The following PRKD3 variants were observed in gnomAD, a reference collection of about 807,000 sequenced individuals.
PRKD3 encodes the protein serine/threonine-protein kinase D3.
A neutral mutation model predicts 99.2 loss-of-function variants in PRKD3; 47 were observed. The observed-to-expected ratio is 0.47, with a 90% CI of 0.38 to 0.60. PRKD3 has a LOEUF of 0.60. Among genes scored for constraint, PRKD3 ranks in the 20% least tolerant of loss-of-function variants. The probability of loss-of-function intolerance (pLI) is 0.00; values close to 1 mark genes in which losing one functional copy is unlikely to be tolerated. For missense variants in PRKD3, 1,019 were observed against 1,088.4 expected, an observed-to-expected ratio of 0.94 and a Z score of 0.90; for synonymous variants, 392 against 355.4, an observed-to-expected ratio of 1.10 and a Z score of -1.16.
chr2:37,261,616 A>T (rs188826641), intron 14 of PRKD3, among the ~76,000 whole-genome samples: 3,368 of 151,020 alleles, frequency 0.022, 60 homozygotes, highest in Middle Eastern at 0.035. Flanking sequence ...CCTAGTCTCT[A>T]CTAAAAATAC....
At chr2:37,272,290 G>T in intron 12 of PRKD3, 90 bp downstream of exon 12, 1 of 1,542,848 alleles carries the variant, frequency 6.5e-7, no homozygotes, top group Non-Finnish European at 8.7e-7. Flanking sequence ...TACTTTGGGC[G>T]ATGAACCAAT....
chr2:37,306,643 T>C (rs1347994692), intron 2 of PRKD3, among the ~76,000 whole-genome samples: 1 of 151,876 alleles, frequency 6.6e-6, no homozygotes, highest in African/African-American at 2.4e-5. Flanking sequence ...ACCCCATCTG[T>C]ACAAAAAATA....
rs538839741 is a variant in PRKD3, at chr2:37,255,292, T to C, written c.2414-1003A>G. ...ATGGAATATTAGTTAATCCTATGAT[T>C]AGGCCTAGTACTTTTGGAAAAACAA... On this transcript the variant is annotated intron_variant, in intron 17 of 18. Transcript: ENST00000234179. Among the ~76,000 whole-genome samples, 8 of 138,250 alleles carry C rather than the reference T, an allele frequency of 5.8e-5. No homozygotes were observed. In the South Asian group the frequency reaches 1.4e-3, roughly 24 times the overall value. 90.7% of individuals were successfully genotyped at this position (138,250 alleles called of 152,430 possible). A position where few individuals can be genotyped will look rare whatever the true frequency, so the allele number is the denominator to read the frequency against.
intron 17 of PRKD3, among the ~76,000 whole-genome samples, chr2:37,255,085 T>C (rs1667826196): frequency 6.6e-6 from 1 of 152,202 alleles, no homozygotes. Context: ...GTCTCTATAC[T>C]ACCAAACTAG....
At position 37,256,848 on chromosome 2, in the gene PRKD3, A is replaced by G. The variant is rs746175345; in HGVS notation, c.2227T>C (p.Leu743=). ...RRSVVGTPAY[L]APEVLRSKGY... Reference sequence around the variant, plus strand: ...TTGCTCCGGAGAACTTCAGGGGCTAAGTATGCTGGAGTTCCTACCACAGAT... The same window carrying G: ...TTGCTCCGGAGAACTTCAGGGGCTAGGTATGCTGGAGTTCCTACCACAGAT... Residue 743 remains leucine, a synonymous_variant, in exon 17 of 19, where the codon TTA becomes CTA. Transcript: ENST00000234179. 2.5e-6 allele frequency: 4 copies of G among 1,614,046 alleles called. No individual in the cohort carries two copies. The South Asian group carries it at 4.4e-5, about 18-fold the overall frequency.
Position 37,320,423 on chromosome 2 carries a change from CTTTTTTTT to C in PRKD3, c.-655-3252_-655-3245del, listed in dbSNP as rs35158902. Among the ~76,000 whole-genome samples the C allele has an allele frequency of 4.6e-3, 363 of 78,166 alleles. 11 individuals are homozygous for C. The Admixed American group carries it at 0.05, about 11-fold the overall frequency. The allele number at this position is 78,166 out of a possible 152,430, so 51.3% of individuals were successfully genotyped here. ...AATAAAACTGTATGCAAGTTAACGA[CTTTTTTTT>C]TTTTTTTTTTTTTTTTTTGAGACAG... On this transcript the variant is annotated intron_variant, in intron 1 of 18. Coordinates refer to ENST00000234179, the MANE Select transcript of PRKD3 (RefSeq NM_005813.6).
At chr2:37,283,297 G>A (rs1425249951) in intron 6 of PRKD3, among the ~76,000 whole-genome samples, 1 of 152,186 alleles carries the variant, frequency 6.6e-6, no homozygotes, top group Non-Finnish European at 1.5e-5. Flanking sequence ...CTCTTAGCGG[G>A]TGGGGAGGGT....
At chr2:37,292,186 G>A (rs1435615669) in intron 3 of PRKD3, among the ~76,000 whole-genome samples, 1 of 151,718 alleles carries the variant, frequency 6.6e-6, no homozygotes, top group Non-Finnish European at 1.5e-5. Flanking sequence ...CTTCTTTTAT[G>A]CTCTTTACAG....
chr2:37,281,204 T>TA lies in PRKD3; in HGVS notation c.989-1276dup, dbSNP rs563564544. Among the ~76,000 whole-genome samples, 60 of 152,288 alleles carry TA rather than the reference T, an allele frequency of 3.9e-4. 1 individual carries two copies. The South Asian group carries it at 0.012, about 31-fold the overall frequency. On this transcript the variant is annotated intron_variant, in intron 7 of 18. Coordinates refer to ENST00000234179, the MANE Select transcript of PRKD3 (RefSeq NM_005813.6). Reference sequence around the variant, plus strand: ...TTACTAGTGAGTTTGAACATCTCACTAGTAATCAAATGCACATTAAGATAA... The same window carrying TA: ...TTACTAGTGAGTTTGAACATCTCACTAAGTAATCAAATGCACATTAAGATAA...
intron 5 of PRKD3, among the ~76,000 whole-genome samples, chr2:37,287,596 T>G (rs75327116): frequency 4.0e-5 from 6 of 151,848 alleles, no homozygotes; most frequent in Non-Finnish European, 8.8e-5. Flanking sequence ...TCTGTTCATA[T>G]AGCTAGATGG....
chr2:37,279,643 A>T, intron 8 of PRKD3, 103 bp downstream of exon 8: 3 of 755,866 alleles, frequency 4.0e-6, no homozygotes, highest in Non-Finnish European at 3.8e-6. Context: ...TTTAGATTTT[A>T]AATTACTTTT....
chr2:37,269,815 A>C, intron 12 of PRKD3, 128 bp from the exon 13 acceptor site: 1 of 681,704 alleles, frequency 1.5e-6, no homozygotes, highest in Non-Finnish European at 2.4e-6. Context: ...ATAAAGTGCA[A>C]ACTATTTTAT....
intron 17 of PRKD3, among the ~76,000 whole-genome samples, chr2:37,254,902 A>G (rs1667810997): frequency 6.6e-6 from 1 of 152,206 alleles, no homozygotes; most frequent in Non-Finnish European, 1.5e-5. Flanking sequence ...AGTTCTTGGT[A>G]TATATATTTT....
intron 9 of PRKD3, 33 bp from the exon 10 acceptor site, chr2:37,275,877 C>G (rs1669542096): frequency 6.3e-7 from 1 of 1,587,492 alleles, no homozygotes; most frequent in African/African-American, 1.4e-5. Flanking sequence ...CTGTGAGGTT[C>G]AAAAATGATT....
chr2:37,259,511 A>T, intron 16 of PRKD3, 72 bp downstream of exon 16: 1 of 1,208,454 alleles, frequency 8.3e-7, no homozygotes, highest in Non-Finnish European at 1.2e-6. Flanking sequence ...TACTTAGTAC[A>T]CTGCCTTTTA....
chr2:37,324,169 C>T, intron 1 of PRKD3: 1 of 985,332 alleles, frequency 1.0e-6, no homozygotes, highest in Non-Finnish European at 1.2e-6. Context: ...GGGCGAGGGG[C>T]TTACATTCTC....
At chr2:37,277,326 G>C (rs921431809) in intron 9 of PRKD3, among the ~76,000 whole-genome samples, 2 of 152,112 alleles carry the variant, frequency 1.3e-5, no homozygotes, top group Admixed American at 1.3e-4. Context: ...AGTTCATATA[G>C]TTTTATAGTA....
chr2:37,272,425 C>A lies in PRKD3; in HGVS notation c.1659G>T (p.Leu553Phe). ...SPGQGKDHKDLSTSISVSNCQ... is the reference protein window; with the variant it reads ...SPGQGKDHKDFSTSISVSNCQ... ...AATTAGATACAGAGATACTTGTAGACAAATCTTCTGTAAAATATAAAAAAG... is the reference window on the plus strand; with the variant it reads ...AATTAGATACAGAGATACTTGTAGAAAAATCTTCTGTAAAATATAAAAAAG... Residue 553 changes from leucine (L) to phenylalanine (F), a missense_variant, in exon 12 of 19, where the codon TTG (leucine) becomes TTT (phenylalanine). Coordinates refer to ENST00000234179, the MANE Select transcript of PRKD3 (RefSeq NM_005813.6). The A allele has an allele frequency of 1.9e-6, 3 of 1,603,316 alleles. No individual in the cohort carries two copies. Among genetic ancestry groups the A allele is most frequent in the Non-Finnish European group, 2.5e-6 (3 of 1,176,782 alleles).
At chr2:37,254,708 T>A (rs974465312) in intron 17 of PRKD3, among the ~76,000 whole-genome samples, 1 of 152,180 alleles carries the variant, frequency 6.6e-6, no homozygotes, top group Non-Finnish European at 1.5e-5. Flanking sequence ...TATTTGAAGA[T>A]GAATGAAACA....
Sources: allele counts gnomAD v4.1 joint callset (sites outside exome capture counted in the v4.1 genomes callset), GRCh38; gene constraint gnomAD v4.1.1; transcripts MANE v1.5; gene names NCBI Gene and HGNC (gene_info 2026-07-23, HGNC 2026-07-21).